DNAH14: variants seen among roughly 807,000 people sequenced by gnomAD.
DNAH14 encodes axonemal beta dynein heavy chain 14.
Under a neutral mutation model 520.9 loss-of-function variants are expected in DNAH14, and 478 were observed. That is an observed-to-expected ratio of 0.92 (90% CI 0.85 to 0.99). DNAH14 has a LOEUF of 0.99. Ranked by LOEUF, DNAH14 falls within the 50% of genes least tolerant of loss-of-function variation. The pLI is 0.00. For missense variants in DNAH14, 4,831 were observed against 5,234.5 expected, an observed-to-expected ratio of 0.92 and a Z score of 2.38; for synonymous variants, 1,581 against 1,757.2, an observed-to-expected ratio of 0.90 and a Z score of 2.51.
chr1:225,214,856 C>A (rs925662513), intron 41 of DNAH14, among the ~76,000 whole-genome samples: 1 of 152,210 alleles, frequency 6.6e-6, no homozygotes, highest in Non-Finnish European at 1.5e-5. Flanking sequence ...TTCAAAAAAC[C>A]AGCTCCTGGA....
intron 10 of DNAH14, among the ~76,000 whole-genome samples, chr1:225,011,274 G>A (rs930227912): frequency 6.6e-6 from 1 of 152,128 alleles, no homozygotes; most frequent in Non-Finnish European, 1.5e-5. Flanking sequence ...CTTTAGCTGT[G>A]TCCCAGTGAT....
chr1:225,281,450 A>G (rs973881924), intron 54 of DNAH14, among the ~76,000 whole-genome samples: 2 of 152,054 alleles, frequency 1.3e-5, no homozygotes, highest in Admixed American at 1.3e-4. Flanking sequence ...TCACCATTTT[A>G]AGGTCTTTAA....
intron 43 of DNAH14, among the ~76,000 whole-genome samples, chr1:225,244,857 G>A (rs2092185882): frequency 1.3e-5 from 2 of 152,008 alleles, no homozygotes; most frequent in South Asian, 4.1e-4. Flanking sequence ...CTTCAGTTCT[G>A]CTCTGATCTT....
Position 225,023,596 on chromosome 1 carries a change from A to G in DNAH14, c.1108-19A>G, listed in dbSNP as rs959636686. On this transcript the variant is annotated intron_variant, in intron 10 of 85. Transcript: ENST00000682510. ...AAAGAAAATCAATACTTGTTTCTCA[A>G]TTGTTTTTTAAATTGTAGGTTGCAG... 2 of 1,491,206 alleles carry G rather than the reference A, an allele frequency of 1.3e-6. No homozygotes were observed. The highest frequency in any genetic ancestry group is 1.4e-5 in the African/African-American group (1 of 70,992). The allele number at this position is 1,491,206 out of a possible 1,614,324, so 92.4% of individuals were successfully genotyped here.
Position 225,144,304 on chromosome 1 carries a change from G to A in DNAH14, c.4509-93G>A, listed in dbSNP as rs1199856566. On this transcript the variant is annotated intron_variant, in intron 28 of 85. Transcript: ENST00000682510. ...ACTTCTATTTGTTTTTTTAATCAAT[G>A]CTCCATTTTTAATCTTGATTCTTTT... The A allele has an allele frequency of 1.3e-5, 12 of 959,922 alleles. 1 individual carries two copies. Among genetic ancestry groups the A allele is most frequent in the South Asian group, 1.2e-4 (7 of 57,760 alleles). 59.5% of individuals were successfully genotyped at this position (959,922 alleles called of 1,614,324 possible). A position where few individuals can be genotyped will look rare whatever the true frequency, so the allele number is the denominator to read the frequency against.
intron 1 of DNAH14, among the ~76,000 whole-genome samples, chr1:224,950,803 G>A (rs572329645): frequency 6.6e-6 from 1 of 152,020 alleles, no homozygotes; most frequent in African/African-American, 2.4e-5. Flanking sequence ...CACTAACTTC[G>A]AATCCCAGTT....
chr1:225,338,086 G>A lies in DNAH14; in HGVS notation c.10337G>A (p.Gly3446Asp), dbSNP rs771475029. 28 of 1,550,002 alleles carry A rather than the reference G, an allele frequency of 1.8e-5. No individual in the cohort carries two copies. The highest frequency in any genetic ancestry group is 2.4e-5 in the Non-Finnish European group (27 of 1,146,562). The change falls in exon 68 of 86, where the codon GGC (glycine) becomes GAC (aspartate). Residue 3446 changes from glycine to aspartate, a missense_variant. By Grantham distance (94) the Gly-to-Asp change is moderately conservative. Coordinates refer to ENST00000682510, the MANE Select transcript of DNAH14 (RefSeq NM_001367479.1). The stretch of plus-strand genomic sequence containing the variant: ...AATCTCCTTGAGACATTAGCTCCAG[G>A]CTTAAAGGCAATTCTGAAAAAGGAT... ...LQNLLETLAPGLKAILKKDIY... is the reference protein window; with the variant it reads ...LQNLLETLAPDLKAILKKDIY...
At chr1:225,109,596 G>T (rs1484512961) in intron 23 of DNAH14, among the ~76,000 whole-genome samples, 1 of 152,004 alleles carries the variant, frequency 6.6e-6, no homozygotes, top group Admixed American at 6.6e-5. Context: ...AGTTCTAATA[G>T]TTTTTTGGTG....
chr1:225,053,328 G>A (rs968888446), intron 17 of DNAH14, among the ~76,000 whole-genome samples: 1 of 152,118 alleles, frequency 6.6e-6, no homozygotes, highest in Non-Finnish European at 1.5e-5. Context: ...AATCCAATTA[G>A]GTGGGAATAT....
intron 19 of DNAH14, among the ~76,000 whole-genome samples, chr1:225,081,082 C>A (rs2073060401): frequency 6.6e-6 from 1 of 152,178 alleles, no homozygotes; most frequent in Non-Finnish European, 1.5e-5. Flanking sequence ...CATAATCATT[C>A]ATTATCTTTT....
At position 225,289,912 on chromosome 1, in the gene DNAH14, A is replaced by G; in HGVS notation, c.8299A>G (p.Thr2767Ala). 6.9e-7 allele frequency: 1 copy of G among 1,448,010 alleles called. No individual in the cohort carries two copies. The highest frequency in any genetic ancestry group is 9.2e-7 in the Non-Finnish European group (1 of 1,091,930). 89.7% of individuals were successfully genotyped at this position (1,448,010 alleles called of 1,614,324 possible). A position where few individuals can be genotyped will look rare whatever the true frequency, so the allele number is the denominator to read the frequency against. Residue 2767 changes from threonine to alanine, a missense_variant, in exon 55 of 86, where the codon ACA becomes GCA. Coordinates refer to ENST00000682510, the MANE Select transcript of DNAH14 (RefSeq NM_001367479.1). ...TGGAATAGATGGATGTGGGAAAAAA[A>G]CATGTGCAACCTTGGCCTGTTATTT... ...LIGIDGCGKK[T>A]CATLACYLTD...
chr1:225,383,988 G>C (rs1009082563), intron 81 of DNAH14, among the ~76,000 whole-genome samples: 2 of 152,020 alleles, frequency 1.3e-5, no homozygotes, highest in Non-Finnish European at 2.9e-5. Flanking sequence ...CCTTCATTTC[G>C]TCATGTACCC....
intron 60 of DNAH14, among the ~76,000 whole-genome samples, chr1:225,314,752 C>T (rs893829988): frequency 2.0e-5 from 3 of 152,114 alleles, no homozygotes; most frequent in African/African-American, 7.2e-5. Flanking sequence ...TTTAAGAAGG[C>T]TGAATATTGG....
chr1:225,336,811 G>C (rs1416407853), intron 66 of DNAH14, among the ~76,000 whole-genome samples: 1 of 152,174 alleles, frequency 6.6e-6, no homozygotes, highest in Non-Finnish European at 1.5e-5. Context: ...CTCCATCCAA[G>C]AAATAAGGGT....
Position 225,184,765 on chromosome 1 carries a change from G to GAGAA in DNAH14, c.5536-508_5536-505dup, listed in dbSNP as rs201215813. On this transcript the variant is annotated intron_variant, in intron 36 of 85. Transcript: ENST00000682510. ...ATATCTTAAAAAAAAGAGAGAGAGA[G>GAGAA]AGAAAGAAAGAAAGAAAGAAAAATA... Among the ~76,000 whole-genome samples the GAGAA allele has an allele frequency of 5.7e-3, 859 of 151,406 alleles. 4 individuals carry two copies. Among genetic ancestry groups the GAGAA allele is most frequent in the East Asian group, 8.8e-3 (45 of 5,138 alleles).
chr1:225,068,756 G>T (rs991288918), intron 17 of DNAH14, among the ~76,000 whole-genome samples: 4 of 152,102 alleles, frequency 2.6e-5, no homozygotes. Context: ...CTTGATTGTT[G>T]TTGGTGTATA....
At chr1:225,343,870 G>A (rs2095242182) in intron 69 of DNAH14, among the ~76,000 whole-genome samples, 1 of 152,028 alleles carries the variant, frequency 6.6e-6, no homozygotes, top group Admixed American at 6.5e-5. Context: ...TACATAGAAG[G>A]TGACAATCAA....
chr1:225,133,344 G>T (rs946512086), intron 27 of DNAH14, among the ~76,000 whole-genome samples: 5 of 152,016 alleles, frequency 3.3e-5, no homozygotes, highest in Non-Finnish European at 7.4e-5. Context: ...TTCTTCTAGG[G>T]TTTTTATAGT....
chr1:224,966,653 A>G (rs1244007804), intron 5 of DNAH14, among the ~76,000 whole-genome samples: 1 of 152,136 alleles, frequency 6.6e-6, no homozygotes, highest in East Asian at 1.9e-4. Context: ...TGAATTTGTG[A>G]CTTTTCTCAA....
Sources: allele counts gnomAD v4.1 joint callset (sites outside exome capture counted in the v4.1 genomes callset), GRCh38; gene constraint gnomAD v4.1.1; transcripts MANE v1.5; gene names NCBI Gene and HGNC (gene_info 2026-07-23, HGNC 2026-07-21).